CFTR: variants seen among roughly 807,000 people sequenced by gnomAD.
CFTR encodes cystic fibrosis transmembrane conductance regulator.
Under a neutral mutation model 171.6 loss-of-function variants are expected in CFTR, and 181 were observed. The observed-to-expected ratio is 1.05, with a 90% CI of 0.93 to 1.19. The LOEUF is 1.19. CFTR is among the 50% of genes most tolerant of loss of function. The probability of loss-of-function intolerance (pLI) is 0.00; values close to 1 mark genes in which losing one functional copy is unlikely to be tolerated. For missense variants in CFTR, 1,968 were observed against 1,734.7 expected (o/e 1.13, Z -2.39); for synonymous variants, 583 against 608.0 (o/e 0.96, Z 0.60).
intron 11 of CFTR, among the ~76,000 whole-genome samples, chr7:117,581,956 A>G (rs1268787016): frequency 6.6e-6 from 1 of 151,578 alleles, no homozygotes; most frequent in Admixed American, 6.6e-5. Context: ...GGGTTTCACT[A>G]TGTTGCCCAG....
intron 22 of CFTR, among the ~76,000 whole-genome samples, chr7:117,636,238 CTT>C (rs1792825611): frequency 6.6e-6 from 1 of 152,122 alleles, no homozygotes; most frequent in South Asian, 2.1e-4. Context: ...TAATTCTTAT[CTT>C]TGCCTTTCTA....
At chr7:117,507,330 C>T (rs1263658665) in intron 2 of CFTR, among the ~76,000 whole-genome samples, 1 of 152,212 alleles carries the variant, frequency 6.6e-6, no homozygotes, top group Non-Finnish European at 1.5e-5. Context: ...CTCTACTTCA[C>T]TTTCATTTAC....
At position 117,559,634 on chromosome 7, in the gene CFTR, C is replaced by G. The variant is rs140552874; in HGVS notation, c.1563C>G (p.Ile521Met). 6.2e-6 allele frequency: 10 copies of G among 1,612,828 alleles called. No homozygotes were observed. The highest frequency in any genetic ancestry group is 8.5e-6 in the Non-Finnish European group (10 of 1,179,276). The part of the protein sequence containing the change: ...SYDEYRYRSV[I>M]KACQLEEDIS... ...ATGAATATAGATACAGAAGCGTCAT[C>G]AAAGCATGCCAACTAGAAGAGGTAA... Residue 521 changes from isoleucine to methionine, a missense_variant, in exon 11 of 27, where the codon ATC (isoleucine) becomes ATG (methionine). Coordinates refer to ENST00000003084, the MANE Select transcript of CFTR (RefSeq NM_000492.4).
Position 117,642,483 on chromosome 7 carries a change from T to A in CFTR, c.3763T>A (p.Ser1255Thr), listed in dbSNP as rs121909041. 3.7e-6 allele frequency: 6 copies of A among 1,613,614 alleles called. No homozygotes were observed. The African/African-American group carries it at 5.3e-5, about 14-fold the overall frequency. ...RTGSGKSTLL[S>T]AFLRLLNTEG... ...TGGATCAGGGAAGAGTACTTTGTTA[T>A]CAGCTTTTTTGAGACTACTGAACAC... is the stretch of plus-strand genomic sequence containing the variant. Residue 1255 changes from serine (S) to threonine (T), a missense_variant, in exon 23 of 27, where the codon TCA becomes ACA. Transcript: ENST00000003084.
At position 117,667,189 on chromosome 7, in the gene CFTR, C is replaced by G; in HGVS notation, c.*81C>G. On this transcript the variant is annotated 3_prime_UTR_variant, in exon 27 of 27. Coordinates refer to ENST00000003084, the MANE Select transcript of CFTR (RefSeq NM_000492.4). ...ACAGTCACCTCATGGAATTGGAGCT[C>G]GTGGAACAGTTACCTCTGCCTCAGA... 1 of 1,252,974 alleles carries G rather than the reference C, an allele frequency of 8.0e-7. No individual in the cohort carries two copies. The highest frequency in any genetic ancestry group is 1.2e-6 in the Non-Finnish European group (1 of 864,586). 77.6% of individuals were successfully genotyped at this position (1,252,974 alleles called of 1,614,324 possible).
chr7:117,592,525 G>T lies in CFTR; in HGVS notation c.2358G>T (p.Lys786Asn). ...ACCAAGGTCAGAACATTCACCGAAAGACAACAGCATCCACACGAAAAGTGT... is the reference window on the plus strand; with the variant it reads ...ACCAAGGTCAGAACATTCACCGAAATACAACAGCATCCACACGAAAAGTGT... Reference protein sequence around the residue: ...SVNQGQNIHRKTTASTRKVSL... With the variant: ...SVNQGQNIHRNTTASTRKVSL... The change falls in exon 14 of 27, where the codon AAG becomes AAT. Residue 786 changes from lysine (K) to asparagine (N), a missense_variant. By Grantham distance (94) the Lys-to-Asn change is moderately conservative (BLOSUM62 0). Coordinates refer to ENST00000003084, the MANE Select transcript of CFTR (RefSeq NM_000492.4). 1 of 1,527,038 alleles carries T rather than the reference G, an allele frequency of 6.5e-7. No homozygotes were observed. Among genetic ancestry groups the T allele is most frequent in the Middle Eastern group, 1.8e-4 (1 of 5,628 alleles). 94.6% of individuals were successfully genotyped at this position (1,527,038 alleles called of 1,614,324 possible).
chr7:117,606,375 C>T (rs1792299942), intron 17 of CFTR, among the ~76,000 whole-genome samples: 1 of 152,072 alleles, frequency 6.6e-6, no homozygotes, highest in Non-Finnish European at 1.5e-5. Context: ...GATGAGTACC[C>T]ACCTATTCCT....
rs1799031564 is a variant in CFTR, at chr7:117,540,290, T to C, written c.1060T>C (p.Phe354Leu). ...IVLRMAVTRQ[F>L]PWAVQTWYDS... ...TCTGCGCATGGCGGTCACTCGGCAA[T>C]TTCCCTGGGCTGTACAAACATGGTA... Residue 354 changes from phenylalanine to leucine, a missense_variant, in exon 8 of 27, where the codon TTT (phenylalanine) becomes CTT (leucine). Coordinates refer to ENST00000003084, the MANE Select transcript of CFTR (RefSeq NM_000492.4). 2 of 1,613,972 alleles carry C rather than the reference T, an allele frequency of 1.2e-6. No individual in the cohort carries two copies. Among genetic ancestry groups the C allele is most frequent in the Admixed American group, 1.7e-5 (1 of 60,008 alleles).
chr7:117,634,076 C>T (rs1475983048), intron 22 of CFTR, among the ~76,000 whole-genome samples: 1 of 151,940 alleles, frequency 6.6e-6, no homozygotes, highest in African/African-American at 2.4e-5. Flanking sequence ...AGTAAAATTC[C>T]TACTTTAAAT....
intron 24 of CFTR, among the ~76,000 whole-genome samples, chr7:117,658,383 T>C (rs932638017): frequency 1.3e-5 from 2 of 152,190 alleles, no homozygotes; most frequent in Non-Finnish European, 2.9e-5. Context: ...CATGTTTTTT[T>C]AATCTGGACT....
intron 21 of CFTR, among the ~76,000 whole-genome samples, chr7:117,625,284 G>A (rs917198946): frequency 6.6e-6 from 1 of 152,128 alleles, no homozygotes; most frequent in Non-Finnish European, 1.5e-5. Flanking sequence ...GAGTTGGAAA[G>A]TTACATTTTC....
chr7:117,666,616 T>C (rs1020967086), intron 26 of CFTR, among the ~76,000 whole-genome samples: 1 of 152,142 alleles, frequency 6.6e-6, no homozygotes, highest in Non-Finnish European at 1.5e-5. Flanking sequence ...TTCTAGGTAA[T>C]TTATAAGGGA....
intron 14 of CFTR, 49 bp from the exon 15 acceptor site, chr7:117,594,881 G>A (rs182872020): frequency 6.3e-7 from 1 of 1,579,028 alleles, no homozygotes; most frequent in South Asian, 1.1e-5. Flanking sequence ...CACAATGGTG[G>A]CATGAAACTG....
intron 11 of CFTR, among the ~76,000 whole-genome samples, chr7:117,562,814 GC>G (rs1791536725): frequency 6.6e-6 from 1 of 152,166 alleles, no homozygotes; most frequent in South Asian, 2.1e-4. Context: ...AAAAGCAGGT[GC>G]CTTGAAGGCT....
At chr7:117,665,018 A>G (rs149760225) in intron 25 of CFTR, among the ~76,000 whole-genome samples, 158 bp downstream of exon 25, 53 of 152,228 alleles carry the variant, frequency 3.5e-4, no homozygotes, top group Admixed American at 5.9e-4. Context: ...GCATAAATGC[A>G]TATTTCCTTG....
chr7:117,611,499 G>T, intron 19 of CFTR, 82 bp from the exon 20 acceptor site: 2 of 871,674 alleles, frequency 2.3e-6, no homozygotes, highest in South Asian at 2.9e-5. Flanking sequence ...TTCTAATTTA[G>T]TCTTTTTCAG....
At position 117,602,870 on chromosome 7, in the gene CFTR, A is replaced by C. The variant is rs750080974; in HGVS notation, c.2657+7A>C. ...TGCTGTGGCTCCTTGGAAAGTGAGTATTCCATGTCCTATTGTGTAGATTGT... is the reference window on the plus strand; with the variant it reads ...TGCTGTGGCTCCTTGGAAAGTGAGTCTTCCATGTCCTATTGTGTAGATTGT... On this transcript the variant is annotated splice_region_variant and intron_variant, in intron 16 of 26. Coordinates refer to ENST00000003084, the MANE Select transcript of CFTR (RefSeq NM_000492.4). The C allele has an allele frequency of 3.1e-6, 5 of 1,609,762 alleles. No homozygotes were observed. The South Asian group carries it at 5.5e-5, about 18-fold the overall frequency.
intron 11 of CFTR, among the ~76,000 whole-genome samples, chr7:117,573,093 C>A (rs1424973147): frequency 6.6e-6 from 1 of 151,864 alleles, no homozygotes; most frequent in Non-Finnish European, 1.5e-5. Flanking sequence ...TATAGCAACA[C>A]CCTATATCAT....
intron 24 of CFTR, among the ~76,000 whole-genome samples, chr7:117,654,091 C>G (rs191273942): frequency 6.6e-6 from 1 of 152,212 alleles, no homozygotes; most frequent in Non-Finnish European, 1.5e-5. Flanking sequence ...GGTGGAGGCT[C>G]TATCCTCATG....
Sources: gnomAD v4.1 joint callset for allele counts (sites outside exome capture counted in the v4.1 genomes callset) on GRCh38, gnomAD v4.1.1 for gene constraint, MANE v1.5 for transcripts, NCBI Gene and HGNC (gene_info 2026-07-23, HGNC 2026-07-21) for gene names.